The following ROBO2 variants were observed in gnomAD, a reference collection of about 807,000 sequenced individuals.
ROBO2 encodes roundabout guidance receptor 2.
ROBO2 carries 53 observed loss-of-function variants against 160.8 expected under a neutral mutation model. That is an observed-to-expected ratio of 0.33 (90% CI 0.26 to 0.41). The LOEUF is 0.41. ROBO2 is among the 10% of genes least tolerant of loss of function. The pLI is 1.00. For synonymous variants in ROBO2, 664 were observed against 611.7 expected (o/e 1.09, Z -1.26); for missense variants, 1,577 against 1,722.4 (o/e 0.92, Z 1.49).
intron 2 of ROBO2, among the ~76,000 whole-genome samples, chr3:76,013,815 G>T (rs1317167263): frequency 1.3e-5 from 2 of 151,578 alleles, no homozygotes; most frequent in African/African-American, 4.8e-5. Flanking sequence ...TTTGGAGGCT[G>T]GGCACAGTGG....
At chr3:76,782,085 C>A (rs141282305) in intron 2 of ROBO2, among the ~76,000 whole-genome samples, 1 of 150,566 alleles carries the variant, frequency 6.6e-6, no homozygotes, top group Non-Finnish European at 1.5e-5. Context: ...ATGATTAAGT[C>A]TTGGTAGATT....
chr3:77,540,648 G>A (rs2092419930), intron 6 of ROBO2, among the ~76,000 whole-genome samples: 2 of 152,116 alleles, frequency 1.3e-5, no homozygotes, highest in East Asian at 3.9e-4. Flanking sequence ...CTAGGTGAGG[G>A]GTTGGTAGGT....
At chr3:77,452,502 C>T (rs191859032) in intron 2 of ROBO2, among the ~76,000 whole-genome samples, 94 of 152,246 alleles carry the variant, frequency 6.2e-4, no homozygotes, top group Middle Eastern at 6.8e-3. Context: ...CCCCCAGGTA[C>T]CCCTTTGCTA....
chr3:77,202,648 G>A (rs989073751), intron 2 of ROBO2, among the ~76,000 whole-genome samples: 25 of 151,860 alleles, frequency 1.6e-4, no homozygotes, highest in Non-Finnish European at 2.4e-4. Context: ...TTGACTCCCC[G>A]ACTTCATTCT....
At chr3:76,228,146 A>G (rs1704403857) in intron 2 of ROBO2, among the ~76,000 whole-genome samples, 1 of 152,188 alleles carries the variant, frequency 6.6e-6, no homozygotes, top group African/African-American at 2.4e-5. Flanking sequence ...TATTTTGTGA[A>G]AGACCTTGGC....
At chr3:76,837,057 C>T (rs371192799) in intron 2 of ROBO2, among the ~76,000 whole-genome samples, 28 of 151,894 alleles carry the variant, frequency 1.8e-4, no homozygotes, top group African/African-American at 5.1e-4. Flanking sequence ...GTCCTTTACG[C>T]ATGTCATGAA....
chr3:76,865,259 A>G (rs1347139179), intron 2 of ROBO2, among the ~76,000 whole-genome samples: 1 of 152,120 alleles, frequency 6.6e-6, no homozygotes, highest in African/African-American at 2.4e-5. Context: ...TTGTGGCCCA[A>G]TACTTTTGTA....
intron 2 of ROBO2, among the ~76,000 whole-genome samples, chr3:76,485,887 C>T (rs970548256): frequency 6.6e-6 from 1 of 152,110 alleles, no homozygotes; most frequent in African/African-American, 2.4e-5. Flanking sequence ...CACATTTTTC[C>T]TTGCTCACCA....
At chr3:77,274,044 A>C (rs1256248179) in intron 2 of ROBO2, among the ~76,000 whole-genome samples, 2 of 152,160 alleles carry the variant, frequency 1.3e-5, no homozygotes, top group African/African-American at 4.8e-5. Context: ...GTTATTAATA[A>C]AATTATTTAT....
chr3:76,303,789 GT>G (rs2071189348), intron 2 of ROBO2, among the ~76,000 whole-genome samples: 1 of 152,136 alleles, frequency 6.6e-6, no homozygotes, highest in Non-Finnish European at 1.5e-5. Context: ...TCATTTGAAG[GT>G]TCAACTAATG....
chr3:76,225,243 G>A (rs1704211178), intron 2 of ROBO2, among the ~76,000 whole-genome samples: 1 of 152,054 alleles, frequency 6.6e-6, no homozygotes, highest in African/African-American at 2.4e-5. Context: ...ATTTTTCAAT[G>A]GGCTTTCAGA....
intron 2 of ROBO2, among the ~76,000 whole-genome samples, chr3:76,896,770 A>G (rs958554389): frequency 6.6e-6 from 1 of 152,152 alleles, no homozygotes; most frequent in Non-Finnish European, 1.5e-5. Flanking sequence ...TGTCATTACA[A>G]TTTTCCTAAT....
At chr3:77,411,544 A>G (rs954179226) in intron 2 of ROBO2, among the ~76,000 whole-genome samples, 16 of 152,204 alleles carry the variant, frequency 1.1e-4, no homozygotes, top group African/African-American at 3.9e-4. Context: ...CCATAATAAA[A>G]GAATGAGGAA....
intron 2 of ROBO2, among the ~76,000 whole-genome samples, chr3:76,587,115 G>C (rs2086092895): frequency 6.6e-6 from 1 of 152,180 alleles, no homozygotes; most frequent in Admixed American, 6.5e-5. Context: ...AGCTTTCCTA[G>C]TTATTACGCC....
At chr3:77,330,520 T>C (rs892043075) in intron 2 of ROBO2, among the ~76,000 whole-genome samples, 1 of 152,192 alleles carries the variant, frequency 6.6e-6, no homozygotes, top group African/African-American at 2.4e-5. Flanking sequence ...ATTTAATCTT[T>C]ATTTTCTCCA....
intron 2 of ROBO2, among the ~76,000 whole-genome samples, chr3:76,206,911 T>C (rs1167525639): frequency 6.6e-6 from 1 of 152,176 alleles, no homozygotes; most frequent in Non-Finnish European, 1.5e-5. Flanking sequence ...CAGTCCAGAC[T>C]TAACAGCCTC....
chr3:77,632,374 G>T (rs2095180962), intron 23 of ROBO2: 1 of 851,336 alleles, frequency 1.2e-6, no homozygotes, highest in Admixed American at 3.1e-5. Flanking sequence ...AAACTTCAAG[G>T]AAGAAGCATG....
intron 2 of ROBO2, among the ~76,000 whole-genome samples, chr3:76,634,337 G>A (rs1289706179): frequency 9.9e-5 from 15 of 152,132 alleles, no homozygotes; most frequent in African/African-American, 3.6e-4. Flanking sequence ...GGAAGCCGAG[G>A]CAGGCAGATC....
chr3:76,428,717 T>A (rs2108996289), intron 2 of ROBO2, among the ~76,000 whole-genome samples: 1 of 152,334 alleles, frequency 6.6e-6, no homozygotes, highest in Non-Finnish European at 1.5e-5. Flanking sequence ...ATTTGACTAC[T>A]ATTATTAGTG....
Sources: gnomAD v4.1 joint callset for allele counts (sites outside exome capture counted in the v4.1 genomes callset) on GRCh38, gnomAD v4.1.1 for gene constraint, MANE v1.5 for transcripts, NCBI Gene and HGNC (gene_info 2026-07-23, HGNC 2026-07-21) for gene names.